Variants in SYNJ1 observed in about 807,000 individuals in gnomAD.
The protein encoded by SYNJ1 is synaptojanin 1.
In SYNJ1, 78 loss-of-function variants were observed where a neutral mutation model predicts 168.2. The ratio of observed to expected loss-of-function variants is 0.46; its 90% CI spans 0.39 to 0.56. SYNJ1 has a LOEUF of 0.56. SYNJ1 is among the 20% of genes least tolerant of loss of function. The pLI, the probability that SYNJ1 is intolerant of heterozygous loss-of-function variation, is 0.00. For missense variants in SYNJ1, 1,303 were observed against 1,597.6 expected, an observed-to-expected ratio of 0.82 and a Z score of 3.14; for synonymous variants, 539 against 548.6, an observed-to-expected ratio of 0.98 and a Z score of 0.24.
chr21:32,640,459 C>T (rs1449235255), intron 29 of SYNJ1, among the ~76,000 whole-genome samples: 1 of 151,982 alleles, frequency 6.6e-6, no homozygotes, highest in Non-Finnish European at 1.5e-5. Context: ...CCACACGCGG[C>T]TAATTTTTTG....
At chr21:32,695,581 A>C (rs903834871) in intron 4 of SYNJ1, among the ~76,000 whole-genome samples, 1 of 151,906 alleles carries the variant, frequency 6.6e-6, no homozygotes, top group African/African-American at 2.4e-5. Context: ...TCCAAAAAGG[A>C]ATACATATGC....
intron 2 of SYNJ1, among the ~76,000 whole-genome samples, chr21:32,726,022 T>TA (rs1340432872): frequency 6.6e-6 from 1 of 152,130 alleles, no homozygotes; most frequent in Non-Finnish European, 1.5e-5. Context: ...GTATTTTTTG[T>TA]ACAGAAAGGG....
intron 15 of SYNJ1, among the ~76,000 whole-genome samples, chr21:32,668,256 T>C (rs1446693478): frequency 1.3e-5 from 2 of 151,960 alleles, no homozygotes; most frequent in Non-Finnish European, 2.9e-5. Context: ...TTAGTAGAGA[T>C]AGGGTTTCAC....
chr21:32,682,710 T>C (rs2041671995), intron 10 of SYNJ1, among the ~76,000 whole-genome samples: 2 of 152,184 alleles, frequency 1.3e-5, no homozygotes, highest in African/African-American at 4.8e-5. Flanking sequence ...GGGAGTTTTC[T>C]AATTCCTAAC....
chr21:32,695,964 A>G (rs1255479882), intron 4 of SYNJ1, among the ~76,000 whole-genome samples: 2 of 151,358 alleles, frequency 1.3e-5, no homozygotes, highest in African/African-American at 2.4e-5. Context: ...CTCCTGCCTC[A>G]GCCTCCTGAG....
rs115056161 is a variant in SYNJ1 at position 32,707,476 on chromosome 21, C to T, written c.125-5429G>A. ...CTACTACTGAGTAGTATTAGGACTA[C>T]AGGTACGTGCCACCATACCTGGTTA... On this transcript the variant is annotated intron_variant, in intron 2 of 32. Transcript: ENST00000674351. Among the ~76,000 whole-genome samples, 146 of 151,926 alleles carry T rather than the reference C, an allele frequency of 9.6e-4. 1 individual carries two copies. The highest frequency in any genetic ancestry group is 3.5e-3 in the African/African-American group (144 of 41,432).
intron 2 of SYNJ1, among the ~76,000 whole-genome samples, chr21:32,704,887 C>T (rs926984061): frequency 5.1e-4 from 78 of 151,904 alleles, no homozygotes; most frequent in Admixed American, 4.3e-3. Context: ...TGGTGGCTCA[C>T]GTCTGTAATC....
Position 32,697,485 on chromosome 21 carries a change from C to T in SYNJ1, c.480-2203G>A, listed in dbSNP as rs553126262. On this transcript the variant is annotated intron_variant, in intron 4 of 32. Coordinates refer to ENST00000674351, the MANE Select transcript of SYNJ1 (RefSeq NM_203446.3). ...TTATCTGACTTTGCCCCCATCTCTACTCTTAAGTGAATTAAAAAAAAAAAA... is the reference window on the plus strand; with the variant it reads ...TTATCTGACTTTGCCCCCATCTCTATTCTTAAGTGAATTAAAAAAAAAAAA... Among the ~76,000 whole-genome samples the T allele has an allele frequency of 1.4e-4, 20 of 144,210 alleles. No individual in the cohort carries two copies. In the South Asian group the frequency reaches 1.6e-3, roughly 11 times the overall value. The allele number at this position is 144,210 out of a possible 152,430, so 94.6% of individuals were successfully genotyped here.
intron 2 of SYNJ1, among the ~76,000 whole-genome samples, chr21:32,713,796 T>C (rs1240144457): frequency 1.3e-5 from 2 of 152,226 alleles, no homozygotes; most frequent in East Asian, 3.8e-4. Context: ...ATGGATGATT[T>C]CATTGAGTGA....
At position 32,645,688 on chromosome 21, in the gene SYNJ1, G is replaced by T; in HGVS notation, c.3349C>A (p.Pro1117Thr). The change falls in exon 25 of 33, where the codon CCC (proline) becomes ACC (threonine). Residue 1117 changes from proline (P) to threonine (T), a missense_variant. Pro to Thr is a conservative substitution (Grantham distance 38). Transcript: ENST00000674351. ...CTCTGTGGGGGAGCCGGGCGTGTGGGAGGGGCGACCGGGCGGGGCGGCGGC... is the reference window on the plus strand; with the variant it reads ...CTCTGTGGGGGAGCCGGGCGTGTGGTAGGGGCGACCGGGCGGGGCGGCGGC... ...RPPPPRPVAP[P>T]TRPAPPQRPP... 6.6e-7 allele frequency: 1 copy of T among 1,505,668 alleles called. No homozygotes were observed. Among genetic ancestry groups the T allele is most frequent in the Non-Finnish European group, 8.8e-7 (1 of 1,132,110 alleles). 93.3% of individuals were successfully genotyped at this position (1,505,668 alleles called of 1,614,324 possible).
chr21:32,687,238 G>A (rs1181393849), intron 7 of SYNJ1, among the ~76,000 whole-genome samples, 164 bp from the exon 8 acceptor site: 2 of 152,174 alleles, frequency 1.3e-5, no homozygotes, highest in East Asian at 3.9e-4. Flanking sequence ...CCGAATTTAC[G>A]AAAACTCATG....
rs761637283 is a variant in SYNJ1 at position 32,638,985 on chromosome 21, A to T, written c.3838T>A (p.Leu1280Met). 6.2e-7 allele frequency: 1 copy of T among 1,614,028 alleles called. No individual in the cohort carries two copies. Among genetic ancestry groups the T allele is most frequent in the Non-Finnish European group, 8.5e-7 (1 of 1,179,950 alleles). ...GGTGGTGGTTGTGGTGGGGTTTCCA[A>T]ATTTGGCTGGGGGCCAGACTGAGGC... ...PMPQSGPQPN[L>M]ETPPQPPPRS... The change falls in exon 31 of 33, where the codon TTG becomes ATG. Residue 1280 changes from leucine (L) to methionine (M), a missense_variant. This residue lies in a region of SYNJ1 where 383 missense variants were observed against 388.8 expected (regional missense o/e 0.99). Transcript: ENST00000674351.
intron 14 of SYNJ1, 67 bp from the exon 15 acceptor site, chr21:32,670,439 C>A: frequency 8.5e-7 from 1 of 1,179,246 alleles, no homozygotes; most frequent in Non-Finnish European, 1.2e-6. Context: ...CCATCCAACA[C>A]AACATAACAC....
intron 4 of SYNJ1, among the ~76,000 whole-genome samples, chr21:32,698,853 T>TGGCTTAGAAAGGGAATGCC (rs1340233598): frequency 1.3e-5 from 2 of 152,218 alleles, no homozygotes; most frequent in African/African-American, 4.8e-5. Context: ...AAGGGAATGT[T>TGGCTTAGAAAGGGAATGCC]GGCTTAGAAA....
intron 2 of SYNJ1, among the ~76,000 whole-genome samples, chr21:32,722,382 T>C (rs1157830629): frequency 6.6e-6 from 1 of 151,742 alleles, no homozygotes; most frequent in African/African-American, 2.4e-5. Context: ...AAGCCCCATC[T>C]CTACTAAAAA....
At chr21:32,642,186 T>TA in intron 27 of SYNJ1, 53 bp from the exon 28 acceptor site, 1 of 1,601,768 alleles carries the variant, frequency 6.2e-7, no homozygotes, top group Non-Finnish European at 8.5e-7. Flanking sequence ...AATTAAGCAA[T>TA]ATTGCATAAC....
chr21:32,715,751 T>C (rs1569132034), intron 2 of SYNJ1, among the ~76,000 whole-genome samples: 1 of 152,174 alleles, frequency 6.6e-6, no homozygotes, highest in Non-Finnish European at 1.5e-5. Flanking sequence ...ATTTAACATA[T>C]AGAAATATTT....
At chr21:32,647,720 C>A (rs1344614651) in intron 23 of SYNJ1, among the ~76,000 whole-genome samples, 1 of 152,206 alleles carries the variant, frequency 6.6e-6, no homozygotes, top group Non-Finnish European at 1.5e-5. Flanking sequence ...ATAACCCCAT[C>A]CCTGCACTGA....
At position 32,685,880 on chromosome 21, in the gene SYNJ1, T is replaced by A; in HGVS notation, c.986A>T (p.Gln329Leu). 6.2e-7 allele frequency: 1 copy of A among 1,612,184 alleles called. No individual in the cohort carries two copies. Among genetic ancestry groups the A allele is most frequent in the Admixed American group, 1.7e-5 (1 of 59,762 alleles). Residue 329 changes from glutamine to leucine, a missense_variant, in exon 9 of 33, where the codon CAG (glutamine) becomes CTG (leucine). Physicochemically the swap from Gln to Leu is moderately radical, Grantham distance 113. Transcript: ENST00000674351. Reference protein sequence around the residue: ...LKASEHAADIQMVNFDYHQMV... With the variant: ...LKASEHAADILMVNFDYHQMV... ...TTGATGATAGTCAAAATTCACCATC[T>A]GGATATCAGCAGCATGTTCAGAAGC...
Sources: allele counts gnomAD v4.1 joint callset (sites outside exome capture counted in the v4.1 genomes callset), GRCh38; gene constraint gnomAD v4.1.1; regional missense constraint gnomAD v4.1.1; transcripts MANE v1.5; gene names NCBI Gene and HGNC (gene_info 2026-07-23, HGNC 2026-07-21).